Variants in EPS8L2 observed in about 807,000 individuals in gnomAD.
EPS8L2 encodes the protein EPS8 signaling adaptor L2, also known as epidermal growth factor receptor kinase substrate 8-like protein 2.
A neutral mutation model predicts 99.4 loss-of-function variants in EPS8L2; 81 were observed. The observed-to-expected ratio is 0.82, with a 90% CI of 0.68 to 0.98. The LOEUF (loss-of-function observed/expected upper bound fraction) is 0.98. EPS8L2 is among the 50% of genes least tolerant of loss of function. EPS8L2 has a pLI of 0.00. For missense variants in EPS8L2, 1,155 were observed against 968.8 expected (o/e 1.19, Z -2.55); for synonymous variants, 509 against 407.3 (o/e 1.25, Z -3.01).
chr11:720,971 GGGAGGA>G, intron 7 of EPS8L2, 62 bp downstream of exon 7: 1 of 1,253,990 alleles, frequency 8.0e-7, no homozygotes, highest in Admixed American at 2.3e-5. Flanking sequence ...GGCAGGGGAG[GGGAGGA>G]GCCGGCAGGG....
chr11:714,467 G>A (rs1269418358), intron 4 of EPS8L2, among the ~76,000 whole-genome samples: 1 of 151,660 alleles, frequency 6.6e-6, no homozygotes, highest in Non-Finnish European at 1.5e-5. Flanking sequence ...CTGATCCCAG[G>A]TGATCCACCA....
At chr11:726,839 G>A (rs1862344533) in intron 20 of EPS8L2, 62 bp from the exon 21 acceptor site, 3 of 1,589,914 alleles carry the variant, frequency 1.9e-6, no homozygotes, top group Non-Finnish European at 2.6e-6. Context: ...AGAGCAAGGG[G>A]GAGGCCGGCA....
intron 4 of EPS8L2, among the ~76,000 whole-genome samples, chr11:712,774 G>C (rs1398543972): frequency 6.6e-6 from 1 of 152,232 alleles, no homozygotes; most frequent in Non-Finnish European, 1.5e-5. Flanking sequence ...GGCTGTTTTG[G>C]GTGACCAGGG....
In EPS8L2 at chr11:723,371, T is replaced by C; in HGVS notation, c.1454+18T>C. On this transcript the variant is annotated intron_variant, in intron 15 of 20. Coordinates refer to ENST00000318562, the MANE Select transcript of EPS8L2 (RefSeq NM_022772.4). Reference sequence around the variant, plus strand: ...ACTCACAGGTAAGCCCCCCTCAAAGTGAGGGAGCATGAAAGTGAAACCCTT... The same window carrying C: ...ACTCACAGGTAAGCCCCCCTCAAAGCGAGGGAGCATGAAAGTGAAACCCTT... The C allele has an allele frequency of 1.7e-6, 2 of 1,161,628 alleles. No homozygotes were observed. The highest frequency in any genetic ancestry group is 2.4e-6 in the Non-Finnish European group (2 of 817,474). 72.0% of individuals were successfully genotyped at this position (1,161,628 alleles called of 1,614,324 possible).
chr11:711,265 C>CGTGT (rs1184874422), intron 4 of EPS8L2, among the ~76,000 whole-genome samples: 3 of 123,726 alleles, frequency 2.4e-5, no homozygotes, highest in African/African-American at 5.9e-5. Flanking sequence ...TGTGTGCGTG[C>CGTGT]GTGCGTGTGT....
chr11:722,892 T>G, intron 14 of EPS8L2, 87 bp downstream of exon 14: 1 of 453,818 alleles, frequency 2.2e-6, no homozygotes, highest in Non-Finnish European at 3.0e-6. Flanking sequence ...CACCCACCCC[T>G]CCCCAGAGCT....
intron 1 of EPS8L2, among the ~76,000 whole-genome samples, chr11:707,297 A>C (rs11246279): frequency 0.62 from 94,084 of 152,082 alleles, 30,924 homozygotes; most frequent in African/African-American, 0.86. Context: ...GCTTCCAAAC[A>C]AGGACAGGGC....
At chr11:722,582 T>TG in intron 13 of EPS8L2, 33 bp downstream of exon 13, 5 of 1,611,558 alleles carry the variant, frequency 3.1e-6, no homozygotes, top group Non-Finnish European at 4.2e-6. Flanking sequence ...CGGGGCTTCA[T>TG]GGGGGGCCAG....
chr11:726,248 C>G, intron 18 of EPS8L2, 56 bp from the exon 19 acceptor site: 2 of 1,568,898 alleles, frequency 1.3e-6, no homozygotes, highest in East Asian at 2.3e-5. Flanking sequence ...GGTCCCTGGG[C>G]CGGGGGCGGG....
Position 722,685 on chromosome 11 carries a change from G to A in EPS8L2, c.1221G>A (p.Pro407=), listed in dbSNP as rs146022380. 112 of 1,607,244 alleles carry A rather than the reference G, an allele frequency of 7.0e-5. No homozygotes were observed. Among genetic ancestry groups the A allele is most frequent in the Non-Finnish European group, 8.2e-5 (96 of 1,177,764 alleles). ...CCTCTCACCCCAGTTCCGAGTGGCC[G>A]CGGGAGCCACAGGTGCCCCTCTACG... is the stretch of plus-strand genomic sequence containing the variant. ...ESWMRPRSEW[P]REPQVPLYVP... is the part of the protein sequence containing the mutation. The change falls in exon 14 of 21, where the codon CCG becomes CCA. Residue 407 remains proline (P), a synonymous_variant. Transcript: ENST00000318562.
chr11:722,405 T>C lies in EPS8L2; in HGVS notation c.1064T>C (p.Val355Ala), dbSNP rs142316225. The C allele has an allele frequency of 1.2e-6, 2 of 1,612,790 alleles. No homozygotes were observed. Among genetic ancestry groups the C allele is most frequent in the African/African-American group, 2.7e-5 (2 of 74,994 alleles). Residue 355 changes from valine (V) to alanine (A), a missense_variant, in exon 13 of 21, where the codon GTC (valine) becomes GCC (alanine). By Grantham distance (64) the Val-to-Ala change is moderately conservative (BLOSUM62 0). Transcript: ENST00000318562. ...HFLFGPLDLIVNTCSGPDIAR... is the reference protein window; with the variant it reads ...HFLFGPLDLIANTCSGPDIAR... ...CTGAACCTCACTGTGCCCCAGATCG[T>C]CAACACCTGCAGTGGCCCAGACATC...
In EPS8L2 at chr11:726,090, C is replaced by G; in HGVS notation, c.1681-8C>G. The G allele has an allele frequency of 6.4e-7, 1 of 1,563,930 alleles. No homozygotes were observed. On this transcript the variant is annotated splice_polypyrimidine_tract_variant and splice_region_variant and intron_variant, in intron 17 of 20. Coordinates refer to ENST00000318562, the MANE Select transcript of EPS8L2 (RefSeq NM_022772.4). ...CGTGGGGAGCCTAATCGCCCCCCGC[C>G]CCCGCAGGCCGGTCAGAAGTACTGG...
At position 710,441 on chromosome 11, in the gene EPS8L2, C is replaced by A. The variant is rs775248199; in HGVS notation, c.120C>A (p.Ser40=). The change falls in exon 4 of 21, where the codon TCC becomes TCA. Residue 40 remains serine (S), a synonymous_variant. Coordinates refer to ENST00000318562, the MANE Select transcript of EPS8L2 (RefSeq NM_022772.4). ...GTTCAGAGCAGAGGAAGAAGTATTCCAACTCCAACGTCATCATGCACGAGA... is the reference window on the plus strand; with the variant it reads ...GTTCAGAGCAGAGGAAGAAGTATTCAAACTCCAACGTCATCATGCACGAGA... ...KDLFEQRKKY[S]NSNVIMHETS... 5 of 1,613,580 alleles carry A rather than the reference C, an allele frequency of 3.1e-6. No homozygotes were observed. In the African/African-American group the frequency reaches 5.3e-5, roughly 17 times the overall value.
intron 4 of EPS8L2, among the ~76,000 whole-genome samples, chr11:718,481 A>ATTT (rs748666010): frequency 2.8e-5 from 4 of 141,050 alleles, no homozygotes; most frequent in Non-Finnish European, 4.6e-5. Flanking sequence ...TGCTTTTTTA[A>ATTT]TTTTTTTTTT....
At chr11:717,798 A>G (rs1363721910) in intron 4 of EPS8L2, among the ~76,000 whole-genome samples, 2 of 148,530 alleles carry the variant, frequency 1.3e-5, no homozygotes, top group African/African-American at 5.0e-5. Flanking sequence ...TCACAAGGTC[A>G]GGAGATGGAG....
intron 7 of EPS8L2, 75 bp downstream of exon 7, chr11:720,984 A>AGGGGAGGGGAGGAGCCCGGCT: frequency 4.5e-6 from 6 of 1,341,944 alleles, no homozygotes; most frequent in Non-Finnish European, 5.0e-6. Flanking sequence ...AGGAGCCGGC[A>AGGGGAGGGGAGGAGCCCGGCT]GGGGAGGGGA....
In EPS8L2 at chr11:721,953, G is replaced by GA. The variant is rs1238834841; in HGVS notation, c.947dup (p.Asp316GlufsTer11). ...GCCCCCCTCTGAGGGCGAGTTCATC[G>GA]ACTGCTTCCAGAAAATCAAGCTGGC... On this transcript the variant is annotated frameshift_variant, in exon 11 of 21. Coordinates refer to ENST00000318562, the MANE Select transcript of EPS8L2 (RefSeq NM_022772.4). LOFTEE classifies it high-confidence loss of function. 5 of 1,602,524 alleles carry GA rather than the reference G, an allele frequency of 3.1e-6. No homozygotes were observed. The highest frequency in any genetic ancestry group is 1.3e-5 in the African/African-American group (1 of 74,574).
chr11:721,898 G>A lies in EPS8L2; in HGVS notation c.896-5G>A. ...GCCTGGCTCACGCGGTGCCTCCCATGCCAGAGGGCGTCCTCACACTGCGGG... is the reference window on the plus strand; with the variant it reads ...GCCTGGCTCACGCGGTGCCTCCCATACCAGAGGGCGTCCTCACACTGCGGG... On this transcript the variant is annotated splice_region_variant and splice_polypyrimidine_tract_variant and intron_variant, in intron 10 of 20. Transcript: ENST00000318562. 1 of 1,581,070 alleles carries A rather than the reference G, an allele frequency of 6.3e-7. No homozygotes were observed.
chr11:711,820 C>T (rs1861897565), intron 4 of EPS8L2, among the ~76,000 whole-genome samples: 2 of 151,692 alleles, frequency 1.3e-5, no homozygotes, highest in African/African-American at 4.9e-5. Context: ...CTCATGTCTA[C>T]TGAAAATACA....
Sources: allele counts gnomAD v4.1 joint callset (sites outside exome capture counted in the v4.1 genomes callset), GRCh38; gene constraint gnomAD v4.1.1; transcripts MANE v1.5; gene names NCBI Gene and HGNC (gene_info 2026-07-23, HGNC 2026-07-21).